CCDC169: variants seen among roughly 807,000 people sequenced by gnomAD.
CCDC169 encodes the protein coiled-coil domain-containing protein 169.
Under a neutral mutation model 36.0 loss-of-function variants are expected in CCDC169, and 30 were observed. That is an observed-to-expected ratio of 0.83 (90% CI 0.62 to 1.13). The LOEUF (loss-of-function observed/expected upper bound fraction) is 1.13. CCDC169 is among the 50% of genes most tolerant of loss of function. The probability of loss-of-function intolerance (pLI) is 0.00; values close to 1 mark genes in which losing one functional copy is unlikely to be tolerated. For missense variants in CCDC169, 245 were observed against 245.9 expected (o/e 1.00, Z 0.03); for synonymous variants, 85 against 81.5 (o/e 1.04, Z -0.23).
intron 2 of CCDC169, among the ~76,000 whole-genome samples, chr13:36,293,172 A>T (rs896407400): frequency 6.6e-6 from 1 of 152,166 alleles, no homozygotes; most frequent in Non-Finnish European, 1.5e-5. Context: ...ACATGTGCGC[A>T]TATTTCCAGT....
intron 7 of CCDC169, among the ~76,000 whole-genome samples, chr13:36,240,892 C>A (rs1057046427): frequency 6.6e-6 from 1 of 151,988 alleles, no homozygotes; most frequent in African/African-American, 2.4e-5. Context: ...AAGACTGTTT[C>A]TCCTATTTAA....
intron 4 of CCDC169, chr13:36,282,405 C>G: frequency 1.0e-6 from 1 of 985,298 alleles, no homozygotes. Flanking sequence ...TGTTGGATCC[C>G]AATGCTTTTT....
intron 1 of CCDC169, among the ~76,000 whole-genome samples, chr13:36,297,322 G>C (rs1483469082): frequency 3.3e-5 from 5 of 151,978 alleles, no homozygotes; most frequent in African/African-American, 1.2e-4. Context: ...CAGAAAACCT[G>C]GATTTATGGA....
chr13:36,228,207 G>A (rs1328446708), downstream of CCDC169, among the ~76,000 whole-genome samples: 1 of 152,096 alleles, frequency 6.6e-6, no homozygotes, highest in Admixed American at 6.5e-5. Flanking sequence ...GTGTCATATA[G>A]TAACTCTATG....
At chr13:36,263,937 C>A (rs9602618) in intron 4 of CCDC169, among the ~76,000 whole-genome samples, 39,012 of 152,030 alleles carry the variant, frequency 0.26, 5,225 homozygotes, top group Non-Finnish European at 0.28. Context: ...CACATGGACG[C>A]TTGCTCCAAG....
chr13:36,267,923 T>C (rs185299019), intron 4 of CCDC169, among the ~76,000 whole-genome samples: 22 of 152,252 alleles, frequency 1.4e-4, no homozygotes, highest in African/African-American at 4.6e-4. Context: ...TAAATTTATA[T>C]GCACCTAACA....
chr13:36,276,550 T>G (rs1876853696), intron 4 of CCDC169, among the ~76,000 whole-genome samples: 2 of 152,168 alleles, frequency 1.3e-5, no homozygotes, highest in African/African-American at 4.8e-5. Context: ...CTTGTTAGCT[T>G]TAGGAACAGG....
chr13:36,265,203 AG>A (rs1875120110), intron 4 of CCDC169, among the ~76,000 whole-genome samples: 3 of 152,280 alleles, frequency 2.0e-5, no homozygotes, highest in Admixed American at 2.0e-4. Flanking sequence ...TCCAGATTTC[AG>A]GGTAGGAGTT....
chr13:36,262,911 C>G (rs572843650), intron 4 of CCDC169, among the ~76,000 whole-genome samples: 1 of 152,254 alleles, frequency 6.6e-6, no homozygotes, highest in East Asian at 1.9e-4. Flanking sequence ...GCAGTGAAAA[C>G]TCTTTTGGTA....
rs1879726707 is a variant in CCDC169, at chr13:36,297,807, G to A, written c.-88C>T. ...GGCCACCCAGAAGCCAGTACGGCAC[G>A]AGGCGGTGAACCCCAACCGCCCCCC... is the stretch of plus-strand genomic sequence containing the variant. On this transcript the variant is annotated 5_prime_UTR_variant, in exon 1 of 8. Coordinates refer to ENST00000239859, the MANE Select transcript of CCDC169 (RefSeq NM_001144981.3). 5 of 1,299,832 alleles carry A rather than the reference G, an allele frequency of 3.8e-6. No individual in the cohort carries two copies. Among genetic ancestry groups the A allele is most frequent in the South Asian group, 1.3e-5 (1 of 78,912 alleles). 80.5% of individuals were successfully genotyped at this position (1,299,832 alleles called of 1,614,324 possible).
chr13:36,286,933 T>C (rs1459377540), intron 2 of CCDC169, among the ~76,000 whole-genome samples: 1 of 152,102 alleles, frequency 6.6e-6, no homozygotes, highest in East Asian at 1.9e-4. Flanking sequence ...TCCTCTCCAC[T>C]CCTTTCTTTT....
chr13:36,234,912 A>G (rs1870894923), intron 7 of CCDC169, among the ~76,000 whole-genome samples: 1 of 152,168 alleles, frequency 6.6e-6, no homozygotes, highest in Admixed American at 6.5e-5. Context: ...AGATAACTAC[A>G]TAGGTAAACA....
rs538057091 is a variant in CCDC169 at position 36,258,797 on chromosome 13, T to C, written c.316-4654A>G. On this transcript the variant is annotated intron_variant, in intron 4 of 7. Transcript: ENST00000239859. ...TGGCCATTCTTTTATTCCTTTACTG[T>C]CTTAATAAACTTGCTTTCACTTTAC... Among the ~76,000 whole-genome samples the C allele has an allele frequency of 1.6e-4, 25 of 152,286 alleles. No individual in the cohort carries two copies. The South Asian group carries it at 5.2e-3, about 32-fold the overall frequency.
downstream of CCDC169, chr13:36,226,256 C>T (rs932358918): frequency 6.6e-6 from 1 of 152,314 alleles, no homozygotes. Flanking sequence ...ACCCTTTTGA[C>T]ACCAAGGGCT....
At chr13:36,237,808 A>G (rs1189685879) in intron 7 of CCDC169, among the ~76,000 whole-genome samples, 8 of 152,194 alleles carry the variant, frequency 5.3e-5, no homozygotes, top group Admixed American at 1.3e-4. Context: ...TTTGTACTGT[A>G]CCTTTTCTAT....
At chr13:36,245,467 T>A (rs915303999) in intron 7 of CCDC169, among the ~76,000 whole-genome samples, 14 of 131,500 alleles carry the variant, frequency 1.1e-4, no homozygotes, top group African/African-American at 3.6e-4. Flanking sequence ...CCCAGTCAAT[T>A]TTTCTAATTT....
intron 6 of CCDC169, among the ~76,000 whole-genome samples, chr13:36,249,673 A>G (rs1429678154): frequency 6.6e-6 from 1 of 152,200 alleles, no homozygotes; most frequent in Non-Finnish European, 1.5e-5. Flanking sequence ...GGAAGAGTTG[A>G]GCATGTCACA....
intron 1 of CCDC169, 147 bp downstream of exon 1, chr13:36,297,490 A>C (rs1879670007): frequency 1.4e-6 from 1 of 690,530 alleles, no homozygotes. Context: ...TTCGCATGGA[A>C]TACTTTTGGA....
At chr13:36,254,244 A>G (rs1462464192) in intron 4 of CCDC169, 101 bp from the exon 5 acceptor site, 1 of 598,362 alleles carries the variant, frequency 1.7e-6, no homozygotes, top group Non-Finnish European at 2.5e-6. Flanking sequence ...TATACCTAAT[A>G]TTTTGTGATT....
Sources: allele counts gnomAD v4.1 joint callset (sites outside exome capture counted in the v4.1 genomes callset), GRCh38; gene constraint gnomAD v4.1.1; transcripts MANE v1.5; gene names NCBI Gene and HGNC (gene_info 2026-07-23, HGNC 2026-07-21).